CBR4: variants seen among roughly 807,000 people sequenced by gnomAD.
CBR4 encodes the protein carbonyl reductase 4.
Under a neutral mutation model 21.0 loss-of-function variants are expected in CBR4, and 22 were observed. That is an observed-to-expected ratio of 1.05 (90% CI 0.75 to 1.50). The LOEUF (loss-of-function observed/expected upper bound fraction) is 1.50. Ranked by LOEUF, CBR4 falls within the 40% of genes most tolerant of loss-of-function variation. CBR4 has a pLI of 0.00. For missense variants in CBR4, 302 were observed against 286.3 expected, an observed-to-expected ratio of 1.05 and a Z score of -0.40; for synonymous variants, 100 against 104.4, an observed-to-expected ratio of 0.96 and a Z score of 0.26.
intron 2 of CBR4, among the ~76,000 whole-genome samples, chr4:168,907,816 ACTACT>A (rs1255508101): frequency 2.0e-5 from 3 of 152,108 alleles, no homozygotes. Context: ...GGGTAAAATA[ACTACT>A]CTGGGTCTAT....
At chr4:168,997,534 C>T (rs1003754030) in intron 4 of CBR4, among the ~76,000 whole-genome samples, 4 of 152,120 alleles carry the variant, frequency 2.6e-5, no homozygotes, top group African/African-American at 9.7e-5. Context: ...GTCTAGGCTG[C>T]AGTGAGCCAA....
intron 2 of CBR4, chr4:168,921,487 A>C: frequency 7.7e-7 from 1 of 1,305,792 alleles, no homozygotes. Flanking sequence ...CAGTGATTTC[A>C]CTCTGTTTTA....
At chr4:168,927,915 CATTATTT>C (rs1762758770) in intron 2 of CBR4, 1 of 201,496 alleles carries the variant, frequency 5.0e-6, no homozygotes, top group South Asian at 1.9e-4. Context: ...ATGTATCTTT[CATTATTT>C]ATAAGTGGCC....
chr4:168,966,945 G>A (rs1764057753), intron 2 of CBR4, among the ~76,000 whole-genome samples: 1 of 151,732 alleles, frequency 6.6e-6, no homozygotes, highest in Non-Finnish European at 1.5e-5. Flanking sequence ...AACCCGGGAG[G>A]CCGAGCTTGC....
chr4:168,951,544 G>A (rs1763541311), intron 2 of CBR4, among the ~76,000 whole-genome samples: 1 of 152,258 alleles, frequency 6.6e-6, no homozygotes, highest in East Asian at 1.9e-4. Context: ...GTTCTGCTTT[G>A]ATGTGTTTCC....
At chr4:168,996,813 G>T (rs1020597713) in intron 4 of CBR4, among the ~76,000 whole-genome samples, 1 of 152,094 alleles carries the variant, frequency 6.6e-6, no homozygotes, top group African/African-American at 2.4e-5. Context: ...ATTACTCTGG[G>T]CTGTATGGAA....
At chr4:168,920,979 A>G (rs1480591271) in intron 2 of CBR4, among the ~76,000 whole-genome samples, 4 of 152,138 alleles carry the variant, frequency 2.6e-5, no homozygotes, top group African/African-American at 9.7e-5. Context: ...CATGACAGCA[A>G]TTTTTTAAAT....
rs780355412 is a variant in CBR4, at chr4:168,989,096, CATTTA to C, written c.*1049_*1053del. On this transcript the variant is annotated 3_prime_UTR_variant, in exon 5 of 5. Transcript: ENST00000306193. ...GTGCCTTCACTGCTTCTTGTAAAGA[CATTTA>C]ATTTAATGTTATTGCATATTTATTT... 326 of 983,022 alleles carry C rather than the reference CATTTA, an allele frequency of 3.3e-4. No homozygotes were observed. The highest frequency in any genetic ancestry group is 3.6e-4 in the Non-Finnish European group (302 of 827,800). 60.9% of individuals were successfully genotyped at this position (983,022 alleles called of 1,614,324 possible). A position where few individuals can be genotyped will look rare whatever the true frequency, so the allele number is the denominator to read the frequency against.
intron 2 of CBR4, chr4:168,896,606 C>A (rs1188744412): frequency 2.7e-6 from 4 of 1,466,022 alleles, no homozygotes; most frequent in Middle Eastern, 1.7e-4. Flanking sequence ...AAAGGTTAAG[C>A]TTTTCACCTT....
chr4:168,988,348 T>G lies in CBR4; in HGVS notation c.*1802A>C, dbSNP rs1158512815. On this transcript the variant is annotated 3_prime_UTR_variant, in exon 5 of 5. Coordinates refer to ENST00000306193, the MANE Select transcript of CBR4 (RefSeq NM_032783.5). ...AAAACATACACTTAAAGGCTAAACC[T>G]ATCTATAACCTACATCTTAATGTCA... 6 of 985,308 alleles carry G rather than the reference T, an allele frequency of 6.1e-6. No individual in the cohort carries two copies. In the African/African-American group the frequency reaches 1.0e-4, roughly 17 times the overall value. 61.0% of individuals were successfully genotyped at this position (985,308 alleles called of 1,614,324 possible). A position where few individuals can be genotyped will look rare whatever the true frequency, so the allele number is the denominator to read the frequency against.
intron 4 of CBR4, among the ~76,000 whole-genome samples, chr4:168,996,666 C>T (rs1765218550): frequency 6.6e-6 from 1 of 152,130 alleles, no homozygotes; most frequent in South Asian, 2.1e-4. Context: ...ATTACAGTAG[C>T]AGACAGAATA....
chr4:168,979,123 T>C (rs1327476104), intron 2 of CBR4, among the ~76,000 whole-genome samples: 1 of 151,760 alleles, frequency 6.6e-6, no homozygotes. Context: ...TTACTCCTCC[T>C]TGGGCAGGGC....
chr4:168,913,788 AAGGGTT>A, intron 2 of CBR4: 1 of 676,700 alleles, frequency 1.5e-6, no homozygotes, highest in African/African-American at 1.8e-5. Context: ...TTTTTCTGAA[AAGGGTT>A]AGTCATTACT....
intron 2 of CBR4, chr4:168,928,087 G>T: frequency 5.1e-6 from 1 of 195,352 alleles, no homozygotes; most frequent in South Asian, 1.9e-4. Flanking sequence ...TGATTAATAG[G>T]CTTGAGCACC....
Position 168,989,611 on chromosome 4 carries a change from G to C in CBR4, c.*539C>G, listed in dbSNP as rs1764814647. The C allele has an allele frequency of 2.0e-6, 2 of 984,958 alleles. No homozygotes were observed. Among genetic ancestry groups the C allele is most frequent in the Non-Finnish European group, 2.4e-6 (2 of 829,762 alleles). 61.0% of individuals were successfully genotyped at this position (984,958 alleles called of 1,614,324 possible). A position where few individuals can be genotyped will look rare whatever the true frequency, so the allele number is the denominator to read the frequency against. On this transcript the variant is annotated 3_prime_UTR_variant, in exon 5 of 5. Transcript: ENST00000306193. ...AGTGTCCTCTAAATACTCTTATTTT[G>C]GCAACAGCCCACAAGGTTAACTTTT... is the stretch of plus-strand genomic sequence containing the variant.
chr4:168,995,309 G>A (rs563276437), intron 4 of CBR4, among the ~76,000 whole-genome samples: 99 of 152,222 alleles, frequency 6.5e-4, no homozygotes, highest in Non-Finnish European at 1.2e-3. Context: ...TGTTAGTTCT[G>A]ATATGTTTGT....
chr4:168,989,952 A>T lies in CBR4; in HGVS notation c.*198T>A. 8.1e-7 allele frequency: 1 copy of T among 1,241,612 alleles called. No homozygotes were observed. The highest frequency in any genetic ancestry group is 1.0e-6 in the Non-Finnish European group (1 of 991,544). The allele number at this position is 1,241,612 out of a possible 1,614,324, so 76.9% of individuals were successfully genotyped here. A position where few individuals can be genotyped will look rare whatever the true frequency, so the allele number is the denominator to read the frequency against. On this transcript the variant is annotated 3_prime_UTR_variant, in exon 5 of 5. Coordinates refer to ENST00000306193, the MANE Select transcript of CBR4 (RefSeq NM_032783.5). The stretch of plus-strand genomic sequence containing the variant: ...TTTTTAAACAAAACAACACTGATGT[A>T]ACTTAGACCAAAAAAAAAAAAACCA...
intron 2 of CBR4, among the ~76,000 whole-genome samples, chr4:168,907,841 A>G (rs757941686): frequency 8.0e-5 from 12 of 149,848 alleles, no homozygotes; most frequent in East Asian, 2.0e-4. Context: ...TCAAAAGGAG[A>G]AAAAAAAAAG....
At chr4:168,926,153 T>C (rs1762549562) in intron 2 of CBR4, 1 of 1,334,430 alleles carries the variant, frequency 7.5e-7, no homozygotes, top group South Asian at 1.5e-5. Context: ...ATTTGAAATA[T>C]CTAAAGGCTT....
Sources: gnomAD v4.1 joint callset for allele counts (sites outside exome capture counted in the v4.1 genomes callset) on GRCh38, gnomAD v4.1.1 for gene constraint, MANE v1.5 for transcripts, NCBI Gene and HGNC (gene_info 2026-07-23, HGNC 2026-07-21) for gene names.